Variants in SMG9 observed in about 807,000 individuals in gnomAD.
SMG9 encodes the protein SMG9 nonsense mediated mRNA decay factor, also known as nonsense-mediated mRNA decay factor SMG9.
SMG9 carries 55 observed loss-of-function variants against 64.0 expected under a neutral mutation model. That is an observed-to-expected ratio of 0.86 (90% CI 0.69 to 1.08). The LOEUF is 1.08. SMG9 is among the 50% of genes least tolerant of loss of function. The pLI, the probability that SMG9 is intolerant of heterozygous loss-of-function variation, is 0.00. For synonymous variants in SMG9, 244 were observed against 254.8 expected, an observed-to-expected ratio of 0.96 and a Z score of 0.41; for missense variants, 554 against 681.3, an observed-to-expected ratio of 0.81 and a Z score of 2.08.
Position 43,747,540 on chromosome 19 carries a change from C to G in SMG9, c.491-1G>C. On this transcript the variant is annotated splice_acceptor_variant, in intron 4 of 13. Coordinates refer to ENST00000270066, the MANE Select transcript of SMG9 (RefSeq NM_019108.4). LOFTEE classifies it high-confidence loss of function. ...AGTAGTTTGGCCTGACCCACGACAG[C>G]TGGAGATTGGAGAAAGCAGGAGACA... The G allele has an allele frequency of 6.2e-7, 1 of 1,614,180 alleles. No homozygotes were observed. The highest frequency in any genetic ancestry group is 8.5e-7 in the Non-Finnish European group (1 of 1,180,040).
intron 7 of SMG9, among the ~76,000 whole-genome samples, chr19:43,738,586 G>C (rs370055345): frequency 1.3e-5 from 2 of 152,176 alleles, no homozygotes; most frequent in African/African-American, 4.8e-5. Flanking sequence ...TAATTAGTGT[G>C]AAAACTGGTG....
At chr19:43,736,293 G>A (rs1284177282) in intron 9 of SMG9, among the ~76,000 whole-genome samples, 16 of 152,184 alleles carry the variant, frequency 1.1e-4, no homozygotes, top group Admixed American at 1.0e-3. Flanking sequence ...CCCAGTAAGA[G>A]CTAGGATTCA....
At chr19:43,745,932 C>T (rs1173928943) in intron 5 of SMG9, among the ~76,000 whole-genome samples, 5 of 150,934 alleles carry the variant, frequency 3.3e-5, no homozygotes, top group Admixed American at 1.3e-4. Flanking sequence ...ACCCGGGAGG[C>T]GGGGGTTGCG....
At chr19:43,732,478 T>G (rs1968514511) in intron 13 of SMG9, 1 of 200,960 alleles carries the variant, frequency 5.0e-6, no homozygotes, top group Non-Finnish European at 1.0e-5. Flanking sequence ...CTTTCTGTGA[T>G]CAGGTCCCTG....
Position 43,733,021 on chromosome 19 carries a change from G to A in SMG9, c.1340-19C>T, listed in dbSNP as rs752045288. 5 of 1,592,790 alleles carry A rather than the reference G, an allele frequency of 3.1e-6. No individual in the cohort carries two copies. In the South Asian group the frequency reaches 5.7e-5, roughly 18 times the overall value. On this transcript the variant is annotated intron_variant, in intron 12 of 13. Coordinates refer to ENST00000270066, the MANE Select transcript of SMG9 (RefSeq NM_019108.4). ...CCAGGTCCTGGAAAGTTGGGGCAGG[G>A]AGGGTAAGAGGGATAGACTGCCAGG...
chr19:43,733,459 G>A lies in SMG9; in HGVS notation c.1211-7C>T, dbSNP rs1801728282. 1.9e-6 allele frequency: 3 copies of A among 1,613,904 alleles called. No homozygotes were observed. Among genetic ancestry groups the A allele is most frequent in the Non-Finnish European group, 2.5e-6 (3 of 1,180,010 alleles). On this transcript the variant is annotated splice_region_variant and splice_polypyrimidine_tract_variant and intron_variant, in intron 11 of 13. Transcript: ENST00000270066. ...TGTAACATGGACAGAGTTCCTGGAG[G>A]AGAAAACGCTTCAGCCTTCAGGTAC...
At chr19:43,754,185 G>A (rs1348333282) in intron 1 of SMG9, among the ~76,000 whole-genome samples, 2 of 152,148 alleles carry the variant, frequency 1.3e-5, no homozygotes, top group African/African-American at 2.4e-5. Context: ...AGACTCTCCC[G>A]ATTCCTGAGT....
At chr19:43,754,577 A>G (rs1969295676) in intron 1 of SMG9, 77 bp downstream of exon 1, 1 of 151,968 alleles carries the variant, frequency 6.6e-6, no homozygotes, top group Non-Finnish European at 1.5e-5. Flanking sequence ...TCAATGGCCA[A>G]GGCGGGGGCG....
At chr19:43,733,192 T>C in intron 12 of SMG9, 132 bp downstream of exon 12, 2 of 1,390,698 alleles carry the variant, frequency 1.4e-6, no homozygotes, top group Non-Finnish European at 2.0e-6. Context: ...GGATCTTCTC[T>C]CAGACCAGGT....
intron 9 of SMG9, among the ~76,000 whole-genome samples, chr19:43,737,376 G>C (rs1188704898): frequency 6.6e-6 from 1 of 152,218 alleles, no homozygotes; most frequent in Non-Finnish European, 1.5e-5. Flanking sequence ...AGCCATGCAC[G>C]GGCAGACTTT....
intron 8 of SMG9, 138 bp from the exon 9 acceptor site, chr19:43,737,820 T>C (rs1001841810): frequency 1.1e-5 from 9 of 783,478 alleles, no homozygotes; most frequent in African/African-American, 7.0e-5. Context: ...AGCACTGTGA[T>C]GGCACTTCCC....
chr19:43,744,865 T>G lies in SMG9; in HGVS notation c.608A>C (p.Asp203Ala). The G allele has an allele frequency of 6.2e-7, 1 of 1,613,816 alleles. No individual in the cohort carries two copies. Among genetic ancestry groups the G allele is most frequent in the Non-Finnish European group, 8.5e-7 (1 of 1,179,808 alleles). The change falls in exon 6 of 14, where the codon GAT (aspartate) becomes GCT (alanine). Residue 203 changes from aspartate to alanine, a missense_variant. Asp to Ala is a moderately radical substitution (Grantham distance 126). Transcript: ENST00000270066. Reference protein sequence around the residue: ...SAIEYLLDQTDVLVVGVLGLQ... With the variant: ...SAIEYLLDQTAVLVVGVLGLQ... ...GCCCAGGACACCAACCACCAACACA[T>G]CAGTCTGATCCAACAGGTACTGTGG...
intron 5 of SMG9, 22 bp from the exon 6 acceptor site, chr19:43,744,906 ACT>A (rs747937268): frequency 4.6e-5 from 73 of 1,585,488 alleles, no homozygotes; most frequent in Non-Finnish European, 6.0e-5. Context: ...TACATAAATG[ACT>A]CTGACAAGTC....
chr19:43,747,205 T>C (rs1969040710), intron 5 of SMG9, among the ~76,000 whole-genome samples: 1 of 152,096 alleles, frequency 6.6e-6, no homozygotes, highest in East Asian at 1.9e-4. Flanking sequence ...CCTGGGGTGG[T>C]AGTGAGAGTA....
At chr19:43,746,410 T>C (rs1028798501) in intron 5 of SMG9, among the ~76,000 whole-genome samples, 29 of 152,174 alleles carry the variant, frequency 1.9e-4, no homozygotes, top group African/African-American at 6.3e-4. Context: ...CAAATATATA[T>C]GATCTTCATC....
chr19:43,751,456 G>A (rs1018598509), intron 1 of SMG9, among the ~76,000 whole-genome samples: 3 of 152,234 alleles, frequency 2.0e-5, no homozygotes, highest in African/African-American at 7.2e-5. Flanking sequence ...CCTTTCAACA[G>A]AGCTCTGGGC....
At chr19:43,733,291 G>A in intron 12 of SMG9, 33 bp downstream of exon 12, 1 of 1,611,140 alleles carries the variant, frequency 6.2e-7, no homozygotes. Context: ...GATAGGACTT[G>A]TCTCTCCATG....
At chr19:43,740,082 G>A in intron 7 of SMG9, 25 bp downstream of exon 7, 3 of 1,483,076 alleles carry the variant, frequency 2.0e-6, no homozygotes, top group African/African-American at 1.4e-5. Context: ...TGGCAGGGTG[G>A]GGCAAAGGCA....
intron 9 of SMG9, among the ~76,000 whole-genome samples, chr19:43,735,341 A>C (rs778033013): frequency 2.6e-5 from 4 of 152,120 alleles, no homozygotes; most frequent in Non-Finnish European, 4.4e-5. Context: ...TGTGTGGCCG[A>C]GCACGGTGGC....
Sources: gnomAD v4.1 joint callset for allele counts (sites outside exome capture counted in the v4.1 genomes callset) on GRCh38, gnomAD v4.1.1 for gene constraint, MANE v1.5 for transcripts, NCBI Gene and HGNC (gene_info 2026-07-23, HGNC 2026-07-21) for gene names.